Variants in PRKAA2 observed in about 807,000 individuals in gnomAD.
PRKAA2 encodes the protein 5'-AMP-activated protein kinase catalytic subunit alpha-2.
In PRKAA2, 40 loss-of-function variants were observed where a neutral mutation model predicts 56.3. The observed-to-expected ratio is 0.71, with a 90% CI of 0.55 to 0.92. PRKAA2 has a LOEUF of 0.92. Among genes scored for constraint, PRKAA2 ranks in the 40% least tolerant of loss-of-function variants. The pLI is 0.00. For missense variants in PRKAA2, 542 were observed against 686.9 expected (o/e 0.79, Z 2.36); for synonymous variants, 214 against 234.2 (o/e 0.91, Z 0.79).
At position 56,704,308 on chromosome 1, in the gene PRKAA2, G is replaced by GAC; in HGVS notation, c.1128_1129dup (p.Ser377ThrfsTer12). ...AGAAAGGATGCCACCTCTTATAGCA[G>GAC]ACAGCCCCAAAGCAAGATGTCCATT... is the stretch of plus-strand genomic sequence containing the variant. On this transcript the variant is annotated frameshift_variant, in exon 7 of 9. Coordinates refer to ENST00000371244, the MANE Select transcript of PRKAA2 (RefSeq NM_006252.4). LOFTEE classifies it high-confidence loss of function. The GAC allele has an allele frequency of 6.2e-7, 1 of 1,614,108 alleles. No homozygotes were observed. Among genetic ancestry groups the GAC allele is most frequent in the Non-Finnish European group, 8.5e-7 (1 of 1,180,020 alleles).
At position 56,710,320 on chromosome 1, in the gene PRKAA2, A is replaced by G. The variant is rs1207605681; in HGVS notation, c.*2607A>G. 3.3e-5 allele frequency: 5 copies of G among 152,064 alleles called. No individual in the cohort carries two copies. The East Asian group carries it at 9.6e-4, about 29-fold the overall frequency. 9.4% of individuals were successfully genotyped at this position (152,064 alleles called of 1,614,324 possible). A position where few individuals can be genotyped will look rare whatever the true frequency, so the allele number is the denominator to read the frequency against. On this transcript the variant is annotated 3_prime_UTR_variant, in exon 9 of 9. Coordinates refer to ENST00000371244, the MANE Select transcript of PRKAA2 (RefSeq NM_006252.4). ...CTCCACAGAAAAAATGATTGCATGG[A>G]CTAAGTTTGAAAAATGTTGCATGCT... is the stretch of plus-strand genomic sequence containing the variant.
chr1:56,704,369 C>T lies in PRKAA2; in HGVS notation c.1187C>T (p.Ala396Val). 1 of 1,614,166 alleles carries T rather than the reference C, an allele frequency of 6.2e-7. No individual in the cohort carries two copies. Among genetic ancestry groups the T allele is most frequent in the African/African-American group, 1.3e-5 (1 of 75,044 alleles). Residue 396 changes from alanine (A) to valine (V), a missense_variant, in exon 7 of 9, where the codon GCT becomes GTT. Around this residue, in one of 5 missense-constraint regions of PRKAA2, gnomAD observed 198 missense variants for 234.0 expected, o/e 0.85. Transcript: ENST00000371244. ...AATACGACTAAGCCCAAATCTTTAG[C>T]TGTGAAAAAAGCCAAGTGGCATCTT... ...ALNTTKPKSL[A>V]VKKAKWHLGI...
At chr1:56,698,742 CA>C (rs1278338878) in intron 6 of PRKAA2, among the ~76,000 whole-genome samples, 5 of 152,072 alleles carry the variant, frequency 3.3e-5, no homozygotes. Context: ...GTAAGATAGC[CA>C]TTGGAAGTTC....
intron 2 of PRKAA2, among the ~76,000 whole-genome samples, chr1:56,678,250 C>T (rs1057185694): frequency 3.9e-5 from 6 of 152,288 alleles, no homozygotes; most frequent in African/African-American, 1.4e-4. Context: ...AAAAAACACT[C>T]ATGTATTTTT....
intron 1 of PRKAA2, among the ~76,000 whole-genome samples, chr1:56,672,915 G>T (rs922603228): frequency 6.6e-6 from 1 of 152,124 alleles, no homozygotes; most frequent in African/African-American, 2.4e-5. Flanking sequence ...GGAAGATACA[G>T]GATCAATGGA....
At chr1:56,692,319 C>G (rs566670944) in intron 3 of PRKAA2, 39 bp from the exon 4 acceptor site, 2 of 1,612,368 alleles carry the variant, frequency 1.2e-6, no homozygotes, top group African/African-American at 2.7e-5. Context: ...TGTGCCCAGC[C>G]CCAGATATTC....
chr1:56,687,060 T>C (rs548365119), intron 2 of PRKAA2, among the ~76,000 whole-genome samples: 1 of 152,036 alleles, frequency 6.6e-6, no homozygotes, highest in East Asian at 1.9e-4. Context: ...AATTTTTTAT[T>C]TTTAGTAGAC....
In PRKAA2 at chr1:56,655,260, T is replaced by TTATATACATATATATATA. The variant is rs368198472; in HGVS notation, c.94+9785_94+9786insCATATATATATATATATA. 8.1e-4 allele frequency among the ~76,000 whole-genome samples: 58 copies of TTATATACATATATATATA among 71,650 alleles called. 2 individuals carry two copies. The highest frequency in any genetic ancestry group is 3.3e-3 in the African/African-American group (56 of 16,860). The allele number at this position is 71,650 out of a possible 152,430, so 47.0% of individuals were successfully genotyped here. A position where few individuals can be genotyped will look rare whatever the true frequency, so the allele number is the denominator to read the frequency against. ...TTACTGTTTCTCACAATGTATGTAT[T>TTATATACATATATATATA]TATATATCTATATATATATATTTTT... On this transcript the variant is annotated intron_variant, in intron 1 of 8. Transcript: ENST00000371244.
intron 2 of PRKAA2, among the ~76,000 whole-genome samples, chr1:56,689,577 G>A (rs1330355784): frequency 6.6e-6 from 1 of 151,906 alleles, no homozygotes; most frequent in African/African-American, 2.4e-5. Flanking sequence ...AAATTAGCCG[G>A]GCATGGTGGT....
Position 56,704,478 on chromosome 1 carries a change from A to G in PRKAA2, c.1293+3A>G, listed in dbSNP as rs1644318338. ...AGCAGCTGGATTTTGAATGGAAGGT[A>G]GGAAATTATAATGTAATAAGATCAT... On this transcript the variant is annotated splice_donor_region_variant and intron_variant, in intron 7 of 8. Transcript: ENST00000371244. The G allele has an allele frequency of 6.3e-7, 1 of 1,582,610 alleles. No individual in the cohort carries two copies. The highest frequency in any genetic ancestry group is 1.4e-5 in the African/African-American group (1 of 73,964).
intron 6 of PRKAA2, among the ~76,000 whole-genome samples, chr1:56,699,960 G>A (rs1247561503): frequency 2.0e-5 from 3 of 152,138 alleles, no homozygotes; most frequent in African/African-American, 4.8e-5. Flanking sequence ...ATATTCCAGT[G>A]TATGAATATA....
At chr1:56,668,925 C>T (rs1280756196) in intron 1 of PRKAA2, among the ~76,000 whole-genome samples, 3 of 152,094 alleles carry the variant, frequency 2.0e-5, no homozygotes, top group Non-Finnish European at 4.4e-5. Flanking sequence ...ACAAATGTGT[C>T]AAAACTGAAA....
At position 56,645,346 on chromosome 1, in the gene PRKAA2, C is replaced by CGCGGAGCG. The variant is rs972707967; in HGVS notation, c.-39_-32dup. On this transcript the variant is annotated 5_prime_UTR_variant, in exon 1 of 9. Coordinates refer to ENST00000371244, the MANE Select transcript of PRKAA2 (RefSeq NM_006252.4). ...GGGTAGGCGGCGGCGGCGGCGGCTA[C>CGCGGAGCG]GCGGAGCGGCAGGCGGTGGAGCGAG... The CGCGGAGCG allele has an allele frequency of 2.1e-6, 3 of 1,417,046 alleles. No individual in the cohort carries two copies. In the African/African-American group the frequency reaches 4.6e-5, roughly 22 times the overall value. The allele number at this position is 1,417,046 out of a possible 1,614,324, so 87.8% of individuals were successfully genotyped here.
At position 56,647,239 on chromosome 1, in the gene PRKAA2, T is replaced by C. The variant is rs372783292; in HGVS notation, c.94+1758T>C. 9.9e-5 allele frequency among the ~76,000 whole-genome samples: 15 copies of C among 152,228 alleles called. 1 individual carries two copies. Among genetic ancestry groups the C allele is most frequent in the East Asian group, 9.6e-4 (5 of 5,198 alleles). ...GGATTAATGCCTGTAATGTTACTTG[T>C]CATTTAGTATTATTATTAAGGACTA... On this transcript the variant is annotated intron_variant, in intron 1 of 8. Transcript: ENST00000371244.
chr1:56,661,689 C>T (rs1643995889), intron 1 of PRKAA2, among the ~76,000 whole-genome samples: 1 of 151,530 alleles, frequency 6.6e-6, no homozygotes, highest in African/African-American at 2.4e-5. Context: ...AATTTAAAAC[C>T]ATATATATAA....
intron 7 of PRKAA2, among the ~76,000 whole-genome samples, chr1:56,705,047 C>T (rs556029515): frequency 6.6e-6 from 1 of 152,056 alleles, no homozygotes; most frequent in South Asian, 2.1e-4. Flanking sequence ...CATTTGAGTT[C>T]TATTTGAATA....
chr1:56,677,906 C>T (rs1302261917), intron 2 of PRKAA2, among the ~76,000 whole-genome samples: 12 of 152,122 alleles, frequency 7.9e-5, no homozygotes, highest in South Asian at 2.1e-4. Flanking sequence ...ATCAGCCTGC[C>T]GCAGCCTCCC....
intron 1 of PRKAA2, among the ~76,000 whole-genome samples, chr1:56,672,450 T>G (rs1262974798): frequency 1.3e-5 from 2 of 152,098 alleles, no homozygotes; most frequent in African/African-American, 4.8e-5. Context: ...TGAACTTGAG[T>G]TATTTCTGGG....
In PRKAA2 at chr1:56,712,872, AAG is replaced by A. The variant is rs1398589053; in HGVS notation, c.*5161_*5162del. The A allele has an allele frequency of 1.3e-5, 2 of 151,984 alleles. No individual in the cohort carries two copies. The highest frequency in any genetic ancestry group is 4.8e-5 in the African/African-American group (2 of 41,358). The allele number at this position is 151,984 out of a possible 1,614,324, so 9.4% of individuals were successfully genotyped here. Reference sequence around the variant, plus strand: ...CTCAAAAAAAAACAAAAAAAGGAAAAAGAAAACTAGCCCCAGTCCCTGTCTAA... The same window carrying A: ...CTCAAAAAAAAACAAAAAAAGGAAAAAAAACTAGCCCCAGTCCCTGTCTAA... On this transcript the variant is annotated 3_prime_UTR_variant, in exon 9 of 9. Coordinates refer to ENST00000371244, the MANE Select transcript of PRKAA2 (RefSeq NM_006252.4).
Sources: gnomAD v4.1 joint callset for allele counts (sites outside exome capture counted in the v4.1 genomes callset) on GRCh38, gnomAD v4.1.1 for gene constraint, gnomAD v4.1.1 regional missense constraint, MANE v1.5 for transcripts, NCBI Gene and HGNC (gene_info 2026-07-23, HGNC 2026-07-21) for gene names.